The following MYRIP variants were observed in gnomAD, a reference collection of about 807,000 sequenced individuals.
MYRIP encodes the protein rab effector MyRIP.
Under a neutral mutation model 98.0 loss-of-function variants are expected in MYRIP, and 49 were observed. The observed-to-expected ratio is 0.50, with a 90% CI of 0.40 to 0.63. MYRIP has a LOEUF of 0.63. Ranked by LOEUF, MYRIP falls within the 30% of genes least tolerant of loss-of-function variation. MYRIP has a pLI of 0.00. For synonymous variants in MYRIP, 404 were observed against 409.5 expected (o/e 0.99, Z 0.16); for missense variants, 1,004 against 1,058.2 (o/e 0.95, Z 0.71).
chr3:40,246,832 T>A (rs189855546), intron 13 of MYRIP, among the ~76,000 whole-genome samples: 1 of 152,274 alleles, frequency 6.6e-6, no homozygotes, highest in Admixed American at 6.5e-5. Flanking sequence ...CCTGACATCA[T>A]TAACCACTCT....
chr3:40,109,088 A>C (rs1403130479), intron 3 of MYRIP, among the ~76,000 whole-genome samples: 1 of 152,100 alleles, frequency 6.6e-6, no homozygotes, highest in Non-Finnish European at 1.5e-5. Context: ...AACACAATAA[A>C]GGTTATTACC....
chr3:39,907,832 G>C (rs147261270), intron 2 of MYRIP, among the ~76,000 whole-genome samples: 1 of 152,264 alleles, frequency 6.6e-6, no homozygotes, highest in Non-Finnish European at 1.5e-5. Context: ...CCAGGGCTCC[G>C]TGTCGTCTGC....
chr3:39,919,812 G>A (rs1452419508), intron 2 of MYRIP, among the ~76,000 whole-genome samples: 2 of 151,514 alleles, frequency 1.3e-5, no homozygotes, highest in Non-Finnish European at 2.9e-5. Flanking sequence ...CATTTTACAT[G>A]AACCTCAAAG....
chr3:39,862,331 A>G (rs1942495854), intron 1 of MYRIP, among the ~76,000 whole-genome samples: 1 of 152,210 alleles, frequency 6.6e-6, no homozygotes, highest in African/African-American at 2.4e-5. Context: ...AGAGGTCCTG[A>G]AGGGAGTGCT....
intron 2 of MYRIP, among the ~76,000 whole-genome samples, chr3:39,997,896 A>G (rs1946408591): frequency 6.6e-6 from 1 of 152,196 alleles, no homozygotes; most frequent in Non-Finnish European, 1.5e-5. Context: ...AAATCAATAA[A>G]CATAATCCAG....
intron 16 of MYRIP, among the ~76,000 whole-genome samples, chr3:40,254,298 A>G (rs1575686924): frequency 6.6e-6 from 1 of 152,176 alleles, no homozygotes; most frequent in Admixed American, 6.5e-5. Flanking sequence ...ATTTTCATGT[A>G]AGAGGAGGGT....
chr3:40,153,183 C>G (rs913041932), intron 4 of MYRIP, among the ~76,000 whole-genome samples: 1 of 152,130 alleles, frequency 6.6e-6, no homozygotes, highest in African/African-American at 2.4e-5. Flanking sequence ...TGCTTTAATA[C>G]TATTTGTATC....
intron 1 of MYRIP, among the ~76,000 whole-genome samples, chr3:39,861,408 G>T (rs1020508558): frequency 6.6e-6 from 1 of 152,144 alleles, no homozygotes; most frequent in Non-Finnish European, 1.5e-5. Flanking sequence ...ACCAGCAAAA[G>T]AACTCTGGCA....
At chr3:40,247,671 G>A (rs1038949929) in intron 13 of MYRIP, among the ~76,000 whole-genome samples, 2 of 151,522 alleles carry the variant, frequency 1.3e-5, no homozygotes, top group East Asian at 1.9e-4. Flanking sequence ...TTACAGGCAC[G>A]CACCACCACG....
chr3:40,147,798 A>G (rs1950039418), intron 3 of MYRIP, among the ~76,000 whole-genome samples: 1 of 152,194 alleles, frequency 6.6e-6, no homozygotes, highest in Non-Finnish European at 1.5e-5. Context: ...CTCTTCATAC[A>G]TGTAGATTCT....
At chr3:40,116,769 C>G (rs1343947502) in intron 3 of MYRIP, among the ~76,000 whole-genome samples, 1 of 152,206 alleles carries the variant, frequency 6.6e-6, no homozygotes, top group African/African-American at 2.4e-5. Context: ...CAAATTAATA[C>G]ACAAAAACGG....
chr3:40,160,501 T>G (rs1325795227), intron 4 of MYRIP, among the ~76,000 whole-genome samples: 3 of 152,260 alleles, frequency 2.0e-5, no homozygotes, highest in Admixed American at 6.5e-5. Context: ...GCAGGCCTCC[T>G]TGAGCTGTGG....
At chr3:40,006,740 C>T (rs924549873) in intron 2 of MYRIP, among the ~76,000 whole-genome samples, 40 of 152,310 alleles carry the variant, frequency 2.6e-4, no homozygotes, top group African/African-American at 9.1e-4. Flanking sequence ...TTGCAGTATT[C>T]GTCTTCTAGC....
chr3:40,154,086 G>C (rs1007968097), intron 4 of MYRIP, among the ~76,000 whole-genome samples: 1 of 151,422 alleles, frequency 6.6e-6, no homozygotes, highest in Non-Finnish European at 1.5e-5. Context: ...GTTGCAGTGA[G>C]CCGAGATTGC....
chr3:39,889,926 G>C (rs1245316150), intron 1 of MYRIP, among the ~76,000 whole-genome samples: 1 of 151,878 alleles, frequency 6.6e-6, no homozygotes, highest in African/African-American at 2.4e-5. Flanking sequence ...ATCCACACCA[G>C]GATAATTCCA....
intron 1 of MYRIP, among the ~76,000 whole-genome samples, chr3:39,859,303 T>A (rs1272807612): frequency 6.6e-6 from 1 of 152,118 alleles, no homozygotes; most frequent in South Asian, 2.1e-4. Flanking sequence ...CTTAGGAACA[T>A]ACAACCGGCC....
chr3:39,912,581 C>G (rs1218593635), intron 2 of MYRIP, among the ~76,000 whole-genome samples: 2 of 152,114 alleles, frequency 1.3e-5, no homozygotes, highest in African/African-American at 2.4e-5. Flanking sequence ...ATAAAAGAGG[C>G]TTGATTATTC....
At chr3:40,064,442 A>T (rs1300492797) in intron 3 of MYRIP, among the ~76,000 whole-genome samples, 1 of 152,238 alleles carries the variant, frequency 6.6e-6, no homozygotes, top group Non-Finnish European at 1.5e-5. Flanking sequence ...TGATTAAAAT[A>T]CAAGTTGTTG....
At chr3:40,033,703 A>C (rs1218562254) in intron 2 of MYRIP, among the ~76,000 whole-genome samples, 1 of 152,242 alleles carries the variant, frequency 6.6e-6, no homozygotes, top group Non-Finnish European at 1.5e-5. Flanking sequence ...CTTTCTTCAC[A>C]GAATTGGAAG....
Sources: allele counts gnomAD v4.1 joint callset (sites outside exome capture counted in the v4.1 genomes callset), GRCh38; gene constraint gnomAD v4.1.1; transcripts MANE v1.5; gene names NCBI Gene and HGNC (gene_info 2026-07-23, HGNC 2026-07-21).